Variants in ZNF567 observed in about 807,000 individuals in gnomAD.
ZNF567 encodes the protein zinc finger protein 567.
ZNF567 carries 36 observed loss-of-function variants against 53.9 expected under a neutral mutation model. The observed-to-expected ratio is 0.67, with a 90% CI of 0.51 to 0.88. The LOEUF is 0.88. Among genes scored for constraint, ZNF567 ranks in the 40% least tolerant of loss-of-function variants. The pLI is 0.00. For missense variants in ZNF567, 619 were observed against 764.7 expected, an observed-to-expected ratio of 0.81 and a Z score of 2.25; for synonymous variants, 224 against 260.4, an observed-to-expected ratio of 0.86 and a Z score of 1.35.
At chr19:36,686,174 G>GA (rs1401006436), upstream of ZNF567, among the ~76,000 whole-genome samples, 1 of 152,052 alleles carries the variant, frequency 6.6e-6, no homozygotes, top group Non-Finnish European at 1.5e-5. Context: ...TTCAGGAGGA[G>GA]AAAAAATACT....
At position 36,719,740 on chromosome 19, in the gene ZNF567, G is replaced by A. The variant is rs1262152466; in HGVS notation, c.1016G>A (p.Cys339Tyr). The A allele has an allele frequency of 8.7e-6, 14 of 1,614,148 alleles. No homozygotes were observed. The highest frequency in any genetic ancestry group is 1.3e-5 in the African/African-American group (1 of 75,020). Residue 339 changes from cysteine to tyrosine, a missense_variant, in exon 6 of 6, where the codon TGT becomes TAT. Transcript: ENST00000682579. Reference protein sequence around the residue: ...RTHTGEKSYECLQCRNAFRLK... With the variant: ...RTHTGEKSYEYLQCRNAFRLK... ...CACACAGGGGAGAAATCGTATGAAT[G>A]TCTGCAATGTAGGAATGCCTTCAGA...
the ZNF567 span, among the ~76,000 whole-genome samples, chr19:36,678,240 T>C: frequency 6.6e-6 from 1 of 152,196 alleles, no homozygotes; most frequent in African/African-American, 2.4e-5. Context: ...TGGAGAGAAC[T>C]GAGGTCCCTT....
At chr19:36,700,407 G>A (rs1271865754) in intron 3 of ZNF567, among the ~76,000 whole-genome samples, 11 of 151,110 alleles carry the variant, frequency 7.3e-5, no homozygotes, top group Non-Finnish European at 1.2e-4. Flanking sequence ...GTCTCTGCCC[G>A]GCTTTGGTAT....
intron 2 of ZNF567, 72 bp from the exon 3 acceptor site, chr19:36,694,730 A>T: frequency 2.7e-6 from 2 of 729,826 alleles, no homozygotes; most frequent in Non-Finnish European, 4.3e-6. Flanking sequence ...AGGCAATTTT[A>T]ATAGAATTAT....
At chr19:36,725,305 C>T (rs367617577), downstream of ZNF567, among the ~76,000 whole-genome samples, 12 of 152,060 alleles carry the variant, frequency 7.9e-5, 2 homozygotes, top group East Asian at 3.9e-4. Context: ...CAGTTTCAAG[C>T]GACTCTCCTG....
intron 5 of ZNF567, among the ~76,000 whole-genome samples, chr19:36,717,856 G>A (rs1242478894): frequency 6.6e-6 from 1 of 152,180 alleles, no homozygotes; most frequent in African/African-American, 2.4e-5. Flanking sequence ...CATTGGGGAA[G>A]GATGTAAGCC....
At chr19:36,712,151 A>G in intron 3 of ZNF567, 2 of 388,140 alleles carry the variant, frequency 5.2e-6, no homozygotes, top group Non-Finnish European at 9.7e-6. Flanking sequence ...GTTTCAAGCT[A>G]TTCTCCTGCC....
chr19:36,696,562 C>T (rs1473016047), intron 3 of ZNF567, among the ~76,000 whole-genome samples: 5 of 152,134 alleles, frequency 3.3e-5, no homozygotes, highest in Non-Finnish European at 7.3e-5. Flanking sequence ...ACCCACCTGC[C>T]AATACAGCCA....
At chr19:36,701,938 T>G (rs1407286632) in intron 3 of ZNF567, among the ~76,000 whole-genome samples, 1 of 151,830 alleles carries the variant, frequency 6.6e-6, no homozygotes, top group Non-Finnish European at 1.5e-5. Flanking sequence ...AGGTTAATAT[T>G]GTTATGTGTG....
chr19:36,689,236 AGTGTGTGTGTGTGT>A (rs59984347), intron 1 of ZNF567, among the ~76,000 whole-genome samples, 147 bp from the exon 2 acceptor site: 9 of 138,964 alleles, frequency 6.5e-5, no homozygotes, highest in South Asian at 2.3e-4. Flanking sequence ...CCTATTTGAG[AGTGTGTGTGTGTGT>A]GTGTGTGTGT....
chr19:36,701,219 T>G (rs1295424290), intron 3 of ZNF567, among the ~76,000 whole-genome samples: 4 of 151,762 alleles, frequency 2.6e-5, no homozygotes, highest in Admixed American at 1.3e-4. Context: ...CAGTTTCCAT[T>G]TAGTTGAGCG....
chr19:36,723,084 A>T (rs916341828), downstream of ZNF567: 7 of 674,812 alleles, frequency 1.0e-5, no homozygotes, highest in African/African-American at 1.1e-4. Context: ...GGATTTTGTC[A>T]TTGTGAATTT....
chr19:36,723,442 T>G (rs79917974), downstream of ZNF567: 1,474 of 553,908 alleles, frequency 2.7e-3, 12 homozygotes, highest in African/African-American at 0.022. Flanking sequence ...GTCCACTTTA[T>G]TTTCAAACAT....
chr19:36,720,298 G>T lies in ZNF567; in HGVS notation c.1574G>T (p.Arg525Ile). The change falls in exon 6 of 6, where the codon AGA (arginine) becomes ATA (isoleucine). Residue 525 changes from arginine to isoleucine, a missense_variant. Transcript: ENST00000682579. Reference protein sequence around the residue: ...SQKTNLNLHQRIHTGEKPYVC... With the variant: ...SQKTNLNLHQIIHTGEKPYVC... ...AAGACAAATCTCAATCTACATCAGA[G>T]AATTCATACAGGGGAGAAACCCTAT... The T allele has an allele frequency of 2.5e-6, 4 of 1,614,058 alleles. No homozygotes were observed. Among genetic ancestry groups the T allele is most frequent in the Non-Finnish European group, 3.4e-6 (4 of 1,180,018 alleles).
chr19:36,675,987 TATA>T, the ZNF567 span, among the ~76,000 whole-genome samples: 2 of 148,774 alleles, frequency 1.3e-5, no homozygotes, highest in Non-Finnish European at 3.0e-5. Flanking sequence ...TAGCTGTACA[TATA>T]ATAACCTACT....
chr19:36,706,380 A>T (rs1046833741), intron 3 of ZNF567, among the ~76,000 whole-genome samples: 1 of 152,176 alleles, frequency 6.6e-6, no homozygotes, highest in Non-Finnish European at 1.5e-5. Context: ...TTCAGCCTCA[A>T]CATCCTGGGC....
At chr19:36,698,236 C>T (rs1344949636) in intron 3 of ZNF567, among the ~76,000 whole-genome samples, 1 of 151,908 alleles carries the variant, frequency 6.6e-6, no homozygotes, top group African/African-American at 2.4e-5. Context: ...CATCCATGTC[C>T]CTACAAAGGA....
chr19:36,683,351 G>A (rs1443143580), upstream of ZNF567, among the ~76,000 whole-genome samples: 1 of 151,792 alleles, frequency 6.6e-6, no homozygotes, highest in African/African-American at 2.4e-5. Context: ...GGATTACAGG[G>A]GTGAGCTATA....
At position 36,720,324 on chromosome 19, in the gene ZNF567, G is replaced by A. The variant is rs1408414021; in HGVS notation, c.1600G>A (p.Val534Ile). 1 of 1,613,560 alleles carries A rather than the reference G, an allele frequency of 6.2e-7. No individual in the cohort carries two copies. Residue 534 changes from valine to isoleucine, a missense_variant, in exon 6 of 6, where the codon GTT becomes ATT. Coordinates refer to ENST00000682579, the MANE Select transcript of ZNF567 (RefSeq NM_001322917.1). ...QRIHTGEKPYVCNECGKSFRQ... is the reference protein window; with the variant it reads ...QRIHTGEKPYICNECGKSFRQ... ...AATTCATACAGGGGAGAAACCCTAT[G>A]TTTGTAATGAATGTGGGAAGTCCTT...
Sources: gnomAD v4.1 joint callset for allele counts (sites outside exome capture counted in the v4.1 genomes callset) on GRCh38, gnomAD v4.1.1 for gene constraint, MANE v1.5 for transcripts, NCBI Gene and HGNC (gene_info 2026-07-23, HGNC 2026-07-21) for gene names.